LRRTM4: variants seen among roughly 807,000 people sequenced by gnomAD.
LRRTM4 encodes leucine rich repeat transmembrane neuronal 4.
Under a neutral mutation model 47.6 loss-of-function variants are expected in LRRTM4, and 25 were observed. The observed-to-expected ratio is 0.53, with a 90% CI of 0.38 to 0.73. The LOEUF is 0.73. Ranked by LOEUF, LRRTM4 falls within the 30% of genes least tolerant of loss-of-function variation. LRRTM4 has a pLI of 0.00. For synonymous variants in LRRTM4, 311 were observed against 269.5 expected, an observed-to-expected ratio of 1.15 and a Z score of -1.51; for missense variants, 638 against 713.4, an observed-to-expected ratio of 0.89 and a Z score of 1.20.
At chr2:77,337,624 A>G (rs1027256943) in intron 3 of LRRTM4, among the ~76,000 whole-genome samples, 4 of 152,022 alleles carry the variant, frequency 2.6e-5, no homozygotes, top group Non-Finnish European at 5.9e-5. Flanking sequence ...CCACCTTGTG[A>G]AGAAGGTACT....
chr2:76,772,047 T>A (rs937823903), intron 3 of LRRTM4, among the ~76,000 whole-genome samples: 1 of 152,212 alleles, frequency 6.6e-6, no homozygotes, highest in African/African-American at 2.4e-5. Context: ...GAATGTTGTA[T>A]CTCCCTAAAT....
In LRRTM4 at chr2:77,519,189, C is replaced by T. The variant is rs764914907; in HGVS notation, c.680G>A (p.Arg227His). The change falls in exon 3 of 4, where the codon CGT becomes CAT. Residue 227 changes from arginine (R) to histidine (H), a missense_variant. Transcript: ENST00000409884. The surrounding 1 kb of genome is among the most constrained non-coding windows in gnomAD (Gnocchi z 4.6). The part of the protein sequence containing the change: ...FSKINFAHFP[R>H]LFNLRSIYLQ... ...GTAAATTGAGCGGAGGTTGAAGAGA[C>T]GTGGAAAATGAGCAAAGTTGATCTT... 4 of 1,613,184 alleles carry T rather than the reference C, an allele frequency of 2.5e-6. No homozygotes were observed. Among genetic ancestry groups the T allele is most frequent in the South Asian group, 2.2e-5 (2 of 91,072 alleles).
intron 3 of LRRTM4, among the ~76,000 whole-genome samples, chr2:77,307,927 T>A (rs1285050717): frequency 1.0e-5 from 1 of 97,188 alleles, no homozygotes; most frequent in Non-Finnish European, 1.8e-5. Flanking sequence ...TATAGATATA[T>A]CTATATATTA....
chr2:77,350,601 T>A (rs1323730088), intron 3 of LRRTM4, among the ~76,000 whole-genome samples: 2 of 152,020 alleles, frequency 1.3e-5, no homozygotes, highest in East Asian at 3.9e-4. Context: ...TTTATGGAAG[T>A]GCAATAGAAA....
intron 3 of LRRTM4, among the ~76,000 whole-genome samples, chr2:77,355,711 C>A (rs1573302276): frequency 6.6e-6 from 1 of 152,162 alleles, no homozygotes; most frequent in African/African-American, 2.4e-5. Flanking sequence ...CAAGTGACAC[C>A]TGCTGAGAGA....
chr2:77,264,116 G>A (rs1323138597), intron 3 of LRRTM4, among the ~76,000 whole-genome samples: 4 of 151,848 alleles, frequency 2.6e-5, no homozygotes, highest in Non-Finnish European at 1.5e-5. Flanking sequence ...CTGAGTTCAC[G>A]CATCCATAAA....
rs189399111 is a variant in LRRTM4 at position 77,504,923 on chromosome 2, G to T, written c.1551+13395C>A. ...AAATAAAATTTATAATTTTTTCTCA[G>T]CATTGCATCCAAAAGGGGTTCTACA... On this transcript the variant is annotated intron_variant, in intron 3 of 3. Coordinates refer to ENST00000409884, the MANE Select transcript of LRRTM4 (RefSeq NM_001134745.3). 4.6e-3 allele frequency among the ~76,000 whole-genome samples: 690 copies of T among 151,354 alleles called. 9 individuals are homozygous for T. Among genetic ancestry groups the T allele is most frequent in the African/African-American group, 0.016 (660 of 41,448 alleles).
At chr2:76,765,641 A>G (rs1333973015) in intron 3 of LRRTM4, among the ~76,000 whole-genome samples, 2 of 152,154 alleles carry the variant, frequency 1.3e-5, no homozygotes, top group African/African-American at 2.4e-5. Flanking sequence ...CACACTTGAG[A>G]TCACTACTGT....
chr2:77,052,743 T>A (rs77815395), intron 3 of LRRTM4, among the ~76,000 whole-genome samples: 4,385 of 152,140 alleles, frequency 0.029, 168 homozygotes, highest in African/African-American at 0.091. Context: ...TGTGCAAGTA[T>A]CCTCGTGAAA....
intron 3 of LRRTM4, among the ~76,000 whole-genome samples, chr2:77,479,854 C>T (rs1437502274): frequency 1.3e-5 from 2 of 151,830 alleles, no homozygotes; most frequent in Non-Finnish European, 2.9e-5. Context: ...CATGCTTTTT[C>T]TTCTCACAAA....
chr2:77,091,077 AT>A lies in LRRTM4; in HGVS notation c.1552-342162del, dbSNP rs1175189769. Among the ~76,000 whole-genome samples the A allele has an allele frequency of 1.9e-4, 27 of 138,808 alleles. 2 individuals are homozygous for A. Among genetic ancestry groups the A allele is most frequent in the African/African-American group, 5.9e-4 (24 of 40,394 alleles). 91.1% of individuals were successfully genotyped at this position (138,808 alleles called of 152,430 possible). On this transcript the variant is annotated intron_variant, in intron 3 of 3. Coordinates refer to ENST00000409884, the MANE Select transcript of LRRTM4 (RefSeq NM_001134745.3). ...CCCAACTCTGGTGCCAGCTGAGACA[AT>A]ACTCTTATAAGCACTCCTTTTTAGT... is the stretch of plus-strand genomic sequence containing the variant.
chr2:77,281,681 G>A (rs1485147876), intron 3 of LRRTM4, among the ~76,000 whole-genome samples: 1 of 151,764 alleles, frequency 6.6e-6, no homozygotes, highest in East Asian at 1.9e-4. Context: ...AGAATGATAA[G>A]TGTTATATCC....
chr2:76,962,927 GCA>G (rs763695168), intron 3 of LRRTM4, among the ~76,000 whole-genome samples: 1 of 150,258 alleles, frequency 6.7e-6, no homozygotes, highest in Non-Finnish European at 1.5e-5. Context: ...TTTAAAAATA[GCA>G]CACTTATACA....
chr2:76,911,211 G>C (rs1013382293), intron 3 of LRRTM4, among the ~76,000 whole-genome samples: 9 of 152,146 alleles, frequency 5.9e-5, no homozygotes, highest in African/African-American at 2.2e-4. Context: ...GGAAACCTTT[G>C]ACAAGAATTA....
intron 3 of LRRTM4, among the ~76,000 whole-genome samples, chr2:77,272,968 A>G (rs1322361501): frequency 6.6e-6 from 1 of 152,180 alleles, no homozygotes; most frequent in Non-Finnish European, 1.5e-5. Context: ...TGATAGTTTT[A>G]AAGTCATGTA....
chr2:76,973,348 GCTAA>G (rs945739704), intron 3 of LRRTM4, among the ~76,000 whole-genome samples: 11 of 151,922 alleles, frequency 7.2e-5, no homozygotes, highest in Admixed American at 3.9e-4. Flanking sequence ...AGATTGAATA[GCTAA>G]CTTTTTGTCT....
intron 3 of LRRTM4, among the ~76,000 whole-genome samples, chr2:76,842,104 G>A (rs1671701448): frequency 6.6e-6 from 1 of 152,166 alleles, no homozygotes. Flanking sequence ...TGAAGCAGAT[G>A]GCCCTTCCCA....
At chr2:76,750,473 G>A (rs1164514630) in intron 3 of LRRTM4, among the ~76,000 whole-genome samples, 1 of 152,154 alleles carries the variant, frequency 6.6e-6, no homozygotes, top group African/African-American at 2.4e-5. Context: ...TCTATATCCA[G>A]TTAGCATTCT....
At chr2:77,481,886 T>C (rs942650089) in intron 3 of LRRTM4, among the ~76,000 whole-genome samples, 2 of 152,020 alleles carry the variant, frequency 1.3e-5, no homozygotes, top group African/African-American at 4.8e-5. Flanking sequence ...TTTTCTTTTT[T>C]TTTTTTTAAA....
Sources: allele counts gnomAD v4.1 joint callset (sites outside exome capture counted in the v4.1 genomes callset), GRCh38; gene constraint gnomAD v4.1.1; non-coding constraint Gnocchi (gnomAD v3.1); transcripts MANE v1.5; gene names NCBI Gene and HGNC (gene_info 2026-07-23, HGNC 2026-07-21).